The following DLGAP2 variants were observed in gnomAD, a reference collection of about 807,000 sequenced individuals.
DLGAP2 encodes the protein disks large-associated protein 2.
A neutral mutation model predicts 100.3 loss-of-function variants in DLGAP2; 26 were observed. The ratio of observed to expected loss-of-function variants is 0.26; its 90% confidence interval spans 0.19 to 0.36. DLGAP2 has a LOEUF of 0.36. Among genes scored for constraint, DLGAP2 ranks in the 10% least tolerant of loss-of-function variants. DLGAP2 has a pLI of 1.00. For synonymous variants in DLGAP2, 886 were observed against 630.1 expected (o/e 1.41, Z -6.08); for missense variants, 1,858 against 1,453.2 (o/e 1.28, Z -4.53).
intron 3 of DLGAP2, among the ~76,000 whole-genome samples, chr8:1,493,025 C>A (rs142076734): frequency 6.6e-6 from 1 of 152,276 alleles, no homozygotes; most frequent in African/African-American, 2.4e-5. Context: ...AGAGAAAATG[C>A]CAGGATCTCA....
chr8:1,701,562 C>T lies in DLGAP2; in HGVS notation c.*156C>T, dbSNP rs1585079423. 4 of 773,000 alleles carry T rather than the reference C, an allele frequency of 5.2e-6. No individual in the cohort carries two copies. Among genetic ancestry groups the T allele is most frequent in the Non-Finnish European group, 6.0e-6 (3 of 498,424 alleles). The allele number at this position is 773,000 out of a possible 1,614,324, so 47.9% of individuals were successfully genotyped here. On this transcript the variant is annotated 3_prime_UTR_variant, in exon 15 of 15. Coordinates refer to ENST00000637795, the MANE Select transcript of DLGAP2 (RefSeq NM_001346810.2). ...GGACACAGCGGGACGCGGCCGGCGG[C>T]CTCAGAGTCCACGGAGCTCGCGGCG...
chr8:850,866 TAA>T (rs991262564), intron 1 of DLGAP2, among the ~76,000 whole-genome samples: 38 of 152,276 alleles, frequency 2.5e-4, no homozygotes, highest in African/African-American at 8.9e-4. Context: ...GGTAAGTTAG[TAA>T]AGTTTGGTAA....
rs371291466 is a variant in DLGAP2, at chr8:944,551, G to A, written c.73+36585G>A. On this transcript the variant is annotated intron_variant, in intron 2 of 14. Transcript: ENST00000637795. ...ATCCAGTGGGTGGCAGTCGATCCCT[G>A]TGGCTGACCCAGTGGGTGGTAACAT... Among the ~76,000 whole-genome samples the A allele has an allele frequency of 6.6e-5, 10 of 151,676 alleles. No homozygotes were observed. The East Asian group carries it at 2.0e-3, about 30-fold the overall frequency.
intron 2 of DLGAP2, among the ~76,000 whole-genome samples, chr8:1,243,245 G>T (rs1798836600): frequency 6.6e-6 from 1 of 152,174 alleles, no homozygotes; most frequent in South Asian, 2.1e-4. Context: ...CCTGCCCTGG[G>T]GTTTGCTTAG....
chr8:1,550,796 G>T (rs1290291156), intron 5 of DLGAP2, among the ~76,000 whole-genome samples: 3 of 152,184 alleles, frequency 2.0e-5, no homozygotes, highest in African/African-American at 7.2e-5. Context: ...GGAGGCACAC[G>T]CTACTTCTGA....
At chr8:1,220,628 G>A (rs909371449) in intron 2 of DLGAP2, among the ~76,000 whole-genome samples, 1 of 152,198 alleles carries the variant, frequency 6.6e-6, no homozygotes, top group Non-Finnish European at 1.5e-5. Context: ...ATTTGGTCAA[G>A]TGTGAAGTTT....
chr8:1,562,322 C>T (rs1349758797), intron 5 of DLGAP2, among the ~76,000 whole-genome samples: 3 of 27,750 alleles, frequency 1.1e-4, no homozygotes, highest in Non-Finnish European at 1.9e-4. Context: ...GGGGTGTCCG[C>T]GCCTCGTTAC....
chr8:1,288,825 G>A (rs1445040333), intron 3 of DLGAP2, among the ~76,000 whole-genome samples: 1 of 152,068 alleles, frequency 6.6e-6, no homozygotes, highest in Non-Finnish European at 1.5e-5. Context: ...TTCAGTGTGT[G>A]TGTGTACATG....
At chr8:1,148,791 T>C (rs1796649048) in intron 2 of DLGAP2, among the ~76,000 whole-genome samples, 1 of 152,222 alleles carries the variant, frequency 6.6e-6, no homozygotes, top group Non-Finnish European at 1.5e-5. Flanking sequence ...TCTGAATGTA[T>C]TTTACGTATT....
chr8:829,540 A>G (rs1419821490), intron 1 of DLGAP2, among the ~76,000 whole-genome samples: 1 of 152,266 alleles, frequency 6.6e-6, no homozygotes, highest in Non-Finnish European at 1.5e-5. Flanking sequence ...TACACATCAT[A>G]AAGGTAAAAA....
At chr8:1,408,350 C>T (rs1796634491) in intron 3 of DLGAP2, among the ~76,000 whole-genome samples, 1 of 152,220 alleles carries the variant, frequency 6.6e-6, no homozygotes, top group Non-Finnish European at 1.5e-5. Context: ...GGGGAGGCGT[C>T]TGTGTTCTCA....
intron 8 of DLGAP2, among the ~76,000 whole-genome samples, chr8:1,665,702 G>A (rs1298045159): frequency 6.6e-6 from 1 of 152,250 alleles, no homozygotes; most frequent in Non-Finnish European, 1.5e-5. Context: ...GTCATTGAGA[G>A]CCCCCGTCCG....
chr8:1,425,554 G>A (rs28680850), intron 3 of DLGAP2, among the ~76,000 whole-genome samples: 34,338 of 152,100 alleles, frequency 0.23, 5,108 homozygotes, highest in East Asian at 0.54. Context: ...CCCAGAAGGC[G>A]TTCCTCTGGA....
At chr8:1,262,780 A>AAG (rs1258362744) in intron 3 of DLGAP2, among the ~76,000 whole-genome samples, 1 of 152,234 alleles carries the variant, frequency 6.6e-6, no homozygotes, top group Non-Finnish European at 1.5e-5. Flanking sequence ...AAAATAATTT[A>AAG]AGAGTACCTG....
intron 1 of DLGAP2, among the ~76,000 whole-genome samples, chr8:855,482 G>A (rs771958663): frequency 2.0e-5 from 3 of 152,130 alleles, no homozygotes; most frequent in Non-Finnish European, 4.4e-5. Context: ...CATATTGAGG[G>A]TGCCAAGAGA....
chr8:1,032,439 A>C (rs1802002706), intron 2 of DLGAP2: 1 of 152,250 alleles, frequency 6.6e-6, no homozygotes, highest in African/African-American at 2.4e-5. Context: ...AAACGTTTGG[A>C]CACCTGAGAA....
intron 2 of DLGAP2, among the ~76,000 whole-genome samples, chr8:1,184,467 C>T (rs1021482840): frequency 6.6e-6 from 1 of 152,166 alleles, no homozygotes; most frequent in Non-Finnish European, 1.5e-5. Flanking sequence ...GAGGCTGAGG[C>T]CATTCTTCTC....
intron 2 of DLGAP2, among the ~76,000 whole-genome samples, chr8:975,740 A>G (rs1031670093): frequency 1.1e-4 from 17 of 152,224 alleles, no homozygotes; most frequent in Admixed American, 1.3e-4. Context: ...TCAACTTGAT[A>G]AGGAATATTT....
At chr8:1,303,169 G>C (rs975596282) in intron 3 of DLGAP2, among the ~76,000 whole-genome samples, 4 of 152,118 alleles carry the variant, frequency 2.6e-5, no homozygotes, top group Admixed American at 6.5e-5. Flanking sequence ...AGGCCGAGGC[G>C]GGTGGATCAC....
Sources: gnomAD v4.1 joint callset for allele counts (sites outside exome capture counted in the v4.1 genomes callset) on GRCh38, gnomAD v4.1.1 for gene constraint, MANE v1.5 for transcripts, NCBI Gene and HGNC (gene_info 2026-07-23, HGNC 2026-07-21) for gene names.